The following GULP1 variants were observed in gnomAD, a reference collection of about 807,000 sequenced individuals.
GULP1 encodes GULP PTB domain containing engulfment adaptor 1.
GULP1 carries 19 observed loss-of-function variants against 40.9 expected under a neutral mutation model. The ratio of observed to expected loss-of-function variants is 0.46; its 90% CI spans 0.32 to 0.68. The LOEUF (loss-of-function observed/expected upper bound fraction) is 0.68. GULP1 is among the 30% of genes least tolerant of loss of function. The pLI, the probability that GULP1 is intolerant of heterozygous loss-of-function variation, is 0.03. For synonymous variants in GULP1, 119 were observed against 117.6 expected (o/e 1.01, Z -0.08); for missense variants, 312 against 362.2 (o/e 0.86, Z 1.12).
chr2:188,297,480 C>A (rs755359475), intron 1 of GULP1: 2 of 478,804 alleles, frequency 4.2e-6, no homozygotes, highest in Non-Finnish European at 8.7e-6. Flanking sequence ...ACAGTTGATC[C>A]ATTTCTTGAA....
intron 1 of GULP1, among the ~76,000 whole-genome samples, chr2:188,327,138 T>A (rs756237133): frequency 6.6e-6 from 1 of 152,126 alleles, no homozygotes; most frequent in Non-Finnish European, 1.5e-5. Context: ...ACATTTTGCA[T>A]TGAGAACATT....
chr2:188,430,671 C>T (rs1012154634), intron 2 of GULP1, among the ~76,000 whole-genome samples: 2 of 152,212 alleles, frequency 1.3e-5, no homozygotes, highest in African/African-American at 4.8e-5. Context: ...TCCATTTTCC[C>T]TTGAGGCTGC....
chr2:188,360,778 A>T (rs1360214230), intron 1 of GULP1, among the ~76,000 whole-genome samples: 1 of 152,094 alleles, frequency 6.6e-6, no homozygotes, highest in African/African-American at 2.4e-5. Context: ...GAGCAATAAA[A>T]CACAAACTGC....
intron 2 of GULP1, among the ~76,000 whole-genome samples, chr2:188,420,927 C>T (rs551116967): frequency 1.3e-5 from 2 of 152,124 alleles, no homozygotes; most frequent in African/African-American, 4.8e-5. Flanking sequence ...GGGACCTGTC[C>T]CTATCTGTCT....
At chr2:188,520,139 T>C (rs184687744) in intron 4 of GULP1, among the ~76,000 whole-genome samples, 5 of 152,338 alleles carry the variant, frequency 3.3e-5, no homozygotes, top group African/African-American at 7.2e-5. Flanking sequence ...CTTTTATGTA[T>C]GCCTGGTCAA....
intron 7 of GULP1, 57 bp from the exon 8 acceptor site, chr2:188,569,182 T>G (rs1698489494): frequency 4.4e-6 from 4 of 901,358 alleles, no homozygotes; most frequent in Non-Finnish European, 7.4e-6. Context: ...GTTTTCTCGA[T>G]TCAAAAACAG....
At chr2:188,374,697 T>TGACC (rs2048067209) in intron 1 of GULP1, among the ~76,000 whole-genome samples, 1 of 151,904 alleles carries the variant, frequency 6.6e-6, no homozygotes, top group African/African-American at 2.4e-5. Context: ...GTACTGCCAT[T>TGACC]GACCAGTCCT....
intron 7 of GULP1, among the ~76,000 whole-genome samples, chr2:188,556,411 C>A (rs750953387): frequency 1.6e-4 from 24 of 152,058 alleles, no homozygotes; most frequent in Non-Finnish European, 4.4e-5. Flanking sequence ...ATATCTATCT[C>A]TTCAGTATTT....
chr2:188,350,005 A>G (rs2044226247), intron 1 of GULP1, among the ~76,000 whole-genome samples: 1 of 152,148 alleles, frequency 6.6e-6, no homozygotes, highest in South Asian at 2.1e-4. Context: ...CTTTGCAAAA[A>G]ATCAATTGGC....
chr2:188,392,614 A>G (rs2152558100), intron 2 of GULP1, among the ~76,000 whole-genome samples: 1 of 151,794 alleles, frequency 6.6e-6, no homozygotes, highest in Admixed American at 6.6e-5. Flanking sequence ...GATCCTCATT[A>G]TTCCTTATCT....
intron 1 of GULP1, among the ~76,000 whole-genome samples, chr2:188,338,930 T>G (rs937692497): frequency 1.3e-5 from 2 of 152,214 alleles, no homozygotes; most frequent in Admixed American, 1.3e-4. Context: ...TTTTATTTCC[T>G]AGAAGTTATT....
chr2:188,478,049 T>C (rs557617622), intron 3 of GULP1, among the ~76,000 whole-genome samples: 1 of 152,232 alleles, frequency 6.6e-6, no homozygotes, highest in East Asian at 1.9e-4. Context: ...TATGTAGCCA[T>C]ATAATACTAA....
At chr2:188,582,469 G>A (rs1472468786) in intron 9 of GULP1, 10 of 471,480 alleles carry the variant, frequency 2.1e-5, no homozygotes, top group Admixed American at 9.4e-5. Context: ...CTATCAACTC[G>A]CCTGATTCCA....
At chr2:188,338,093 A>G (rs1009238002) in intron 1 of GULP1, among the ~76,000 whole-genome samples, 10 of 152,138 alleles carry the variant, frequency 6.6e-5, no homozygotes, top group Non-Finnish European at 2.9e-5. Flanking sequence ...CCTTTAATTT[A>G]AAGAGCAGGT....
chr2:188,478,470 C>T (rs1488225569), intron 3 of GULP1, among the ~76,000 whole-genome samples: 1 of 152,000 alleles, frequency 6.6e-6, no homozygotes, highest in Admixed American at 6.6e-5. Flanking sequence ...TCCTGTTTTA[C>T]ATTATTGATG....
At chr2:188,429,871 C>G (rs1038364494) in intron 2 of GULP1, among the ~76,000 whole-genome samples, 1 of 152,128 alleles carries the variant, frequency 6.6e-6, no homozygotes, top group East Asian at 1.9e-4. Flanking sequence ...CCACCATGCC[C>G]GGCTAATTTT....
chr2:188,296,584 T>TG (rs10641756), intron 1 of GULP1, among the ~76,000 whole-genome samples: 9 of 150,410 alleles, frequency 6.0e-5, no homozygotes, highest in East Asian at 2.0e-4. Flanking sequence ...TTAAAAATAG[T>TG]TTTGAAAAGG....
At chr2:188,401,376 G>T (rs1037874645) in intron 2 of GULP1, among the ~76,000 whole-genome samples, 1 of 152,082 alleles carries the variant, frequency 6.6e-6, no homozygotes, top group Non-Finnish European at 1.5e-5. Context: ...CTTAAATGTA[G>T]TGGCTATTTC....
At chr2:188,452,825 C>T (rs188605862) in intron 2 of GULP1, among the ~76,000 whole-genome samples, 1 of 152,210 alleles carries the variant, frequency 6.6e-6, no homozygotes, top group East Asian at 1.9e-4. Context: ...TTTATTAATA[C>T]AATAATAGGG....
Sources: gnomAD v4.1 joint callset for allele counts (sites outside exome capture counted in the v4.1 genomes callset) on GRCh38, gnomAD v4.1.1 for gene constraint, MANE v1.5 for transcripts, NCBI Gene and HGNC (gene_info 2026-07-23, HGNC 2026-07-21) for gene names.